ATP9B: variants seen among roughly 807,000 people sequenced by gnomAD.
The protein encoded by ATP9B is probable phospholipid-transporting ATPase IIB.
Under a neutral mutation model 146.1 loss-of-function variants are expected in ATP9B, and 110 were observed. That is an observed-to-expected ratio of 0.75 (90% CI 0.65 to 0.88). ATP9B has a LOEUF of 0.88. Ranked by LOEUF, ATP9B falls within the 40% of genes least tolerant of loss-of-function variation. ATP9B has a pLI of 0.00. For synonymous variants in ATP9B, 604 were observed against 569.7 expected (o/e 1.06, Z -0.86); for missense variants, 1,499 against 1,496.4 (o/e 1.00, Z -0.03).
Position 79,375,402 on chromosome 18 carries a change from A to G in ATP9B, c.3283A>G (p.Arg1095Gly), listed in dbSNP as rs2097097074. The G allele has an allele frequency of 6.2e-7, 1 of 1,612,616 alleles. No homozygotes were observed. Residue 1095 changes from arginine to glycine, a missense_variant, in exon 29 of 30, where the codon AGA (arginine) becomes GGA (glycine). Physicochemically the swap from Arg to Gly is moderately radical, Grantham distance 125. Transcript: ENST00000426216. ...TTACTGTTTTGGAACAGGTATAGGC[A>G]GAGTGTCTTTTGGAGCTTTCTTAGG... ...AFLNEYFGIG[R>G]VSFGAFLDVA... is the part of the protein sequence containing the mutation.
intron 9 of ATP9B, among the ~76,000 whole-genome samples, chr18:79,205,577 A>G (rs1454666632): frequency 6.6e-6 from 1 of 152,102 alleles, no homozygotes; most frequent in East Asian, 1.9e-4. Context: ...GAGACGCCCA[A>G]CAGTCAGGAC....
At chr18:79,322,419 G>A (rs1451713160) in intron 15 of ATP9B, among the ~76,000 whole-genome samples, 1 of 152,182 alleles carries the variant, frequency 6.6e-6, no homozygotes, top group African/African-American at 2.4e-5. Context: ...GAACCATTCC[G>A]ACATTCTCCT....
chr18:79,326,385 C>T (rs1444715741), intron 15 of ATP9B, among the ~76,000 whole-genome samples: 4 of 127,804 alleles, frequency 3.1e-5, no homozygotes, highest in African/African-American at 3.0e-5. Context: ...CCTCCCTCCC[C>T]TCACATGGTG....
At chr18:79,275,411 CCTT>C (rs1232059229) in intron 12 of ATP9B, among the ~76,000 whole-genome samples, 1 of 152,240 alleles carries the variant, frequency 6.6e-6, no homozygotes, top group African/African-American at 2.4e-5. Flanking sequence ...GTTTTCTTTT[CCTT>C]CTTCAAACCT....
At chr18:79,132,809 G>A (rs2094397313) in intron 5 of ATP9B, among the ~76,000 whole-genome samples, 1 of 152,118 alleles carries the variant, frequency 6.6e-6, no homozygotes, top group African/African-American at 2.4e-5. Flanking sequence ...GAGTTCTCAA[G>A]CACATTCTTA....
intron 4 of ATP9B, among the ~76,000 whole-genome samples, chr18:79,119,750 A>G (rs2094155742): frequency 6.6e-6 from 1 of 152,184 alleles, no homozygotes; most frequent in Non-Finnish European, 1.5e-5. Flanking sequence ...AGCAGCCACA[A>G]TTGATGCTAC....
intron 12 of ATP9B, among the ~76,000 whole-genome samples, chr18:79,256,157 A>T (rs2096074961): frequency 6.7e-6 from 1 of 150,022 alleles, no homozygotes. Context: ...TCTTTTTTTT[A>T]AAAAACTCCT....
intron 13 of ATP9B, among the ~76,000 whole-genome samples, chr18:79,277,512 G>A (rs565524862): frequency 6.6e-6 from 1 of 151,768 alleles, no homozygotes; most frequent in East Asian, 1.9e-4. Context: ...CACCTCCCTA[G>A]TGGCTTATTA....
intron 15 of ATP9B, among the ~76,000 whole-genome samples, chr18:79,320,307 G>A (rs1036661225): frequency 6.6e-6 from 1 of 152,174 alleles, no homozygotes; most frequent in South Asian, 2.1e-4. Flanking sequence ...GGCGCAGTGC[G>A]AGTACGTCCT....
intron 1 of ATP9B, among the ~76,000 whole-genome samples, chr18:79,071,049 C>CTTTTTTCTTTTTTTTTTTT (rs1555723402): frequency 6.2e-5 from 7 of 112,374 alleles, no homozygotes; most frequent in African/African-American, 2.1e-4. Context: ...ATTCCTGTTT[C>CTTTTTTCTTTTTTTTTTTT]TTTTTTTTTT....
At chr18:79,298,774 GGGAACAGAACATCAGTATGA>G (rs2096570173) in intron 13 of ATP9B, among the ~76,000 whole-genome samples, 1 of 146,274 alleles carries the variant, frequency 6.8e-6, no homozygotes, top group South Asian at 2.2e-4. Flanking sequence ...AAGAGGATAT[GGGAACAGAACATCAGTATGA>G]GGAAAGATGT....
In ATP9B at chr18:79,239,980, G is replaced by A. The variant is rs529359186; in HGVS notation, c.1108-13401G>A. 2.6e-5 allele frequency among the ~76,000 whole-genome samples: 4 copies of A among 152,224 alleles called. No homozygotes were observed. The highest frequency in any genetic ancestry group is 2.1e-4 in the South Asian group (1 of 4,822). On this transcript the variant is annotated intron_variant, in intron 11 of 29. Coordinates refer to ENST00000426216, the MANE Select transcript of ATP9B (RefSeq NM_198531.5). This position sits in a 1 kb window ranked among gnomAD's most constrained non-coding sequence, Gnocchi z 5.1. ...CACGCCTCAGGGGCCCCACACCCGC[G>A]GTCTCTTCCTAGAGCTGCAGTCCCA...
intron 8 of ATP9B, among the ~76,000 whole-genome samples, chr18:79,188,238 A>G (rs1440145964): frequency 6.6e-6 from 1 of 152,216 alleles, no homozygotes; most frequent in African/African-American, 2.4e-5. Context: ...ACAAGCTATG[A>G]AAAAGGATCA....
chr18:79,090,891 C>A (rs2074266830), intron 1 of ATP9B, among the ~76,000 whole-genome samples: 1 of 152,080 alleles, frequency 6.6e-6, no homozygotes, highest in African/African-American at 2.4e-5. Context: ...CCAATATTTT[C>A]TTGTAATAGT....
intron 23 of ATP9B, among the ~76,000 whole-genome samples, chr18:79,346,401 G>A (rs1333759955): frequency 6.7e-6 from 1 of 149,762 alleles, no homozygotes; most frequent in African/African-American, 2.5e-5. Context: ...GCACTACTAT[G>A]CTTGGCACAC....
intron 8 of ATP9B, among the ~76,000 whole-genome samples, chr18:79,187,875 GTCT>G (rs1425819725): frequency 2.0e-5 from 3 of 152,100 alleles, no homozygotes; most frequent in Non-Finnish European, 4.4e-5. Context: ...TAGTAAATAT[GTCT>G]TCTAGAAATG....
At chr18:79,142,536 C>T (rs2094526501) in intron 5 of ATP9B, among the ~76,000 whole-genome samples, 1 of 152,094 alleles carries the variant, frequency 6.6e-6, no homozygotes, top group African/African-American at 2.4e-5. Context: ...TCTCTACTGC[C>T]GGATGCTTTG....
intron 10 of ATP9B, among the ~76,000 whole-genome samples, chr18:79,207,570 A>G (rs1441008040): frequency 6.6e-6 from 1 of 152,222 alleles, no homozygotes; most frequent in African/African-American, 2.4e-5. Context: ...GGTTGATGCC[A>G]GGGAGGAAGT....
chr18:79,331,813 T>C (rs1021018082), intron 17 of ATP9B, among the ~76,000 whole-genome samples: 1 of 152,178 alleles, frequency 6.6e-6, no homozygotes, highest in Non-Finnish European at 1.5e-5. Context: ...CTTAAAATAG[T>C]GATGTTCCGG....
Sources: allele counts gnomAD v4.1 joint callset (sites outside exome capture counted in the v4.1 genomes callset), GRCh38; gene constraint gnomAD v4.1.1; non-coding constraint Gnocchi (gnomAD v3.1); transcripts MANE v1.5; gene names NCBI Gene and HGNC (gene_info 2026-07-23, HGNC 2026-07-21).